Variants in TTC29 observed in about 807,000 individuals in gnomAD.
The protein encoded by TTC29 is tetratricopeptide repeat domain 29.
Under a neutral mutation model 58.1 loss-of-function variants are expected in TTC29, and 49 were observed. The ratio of observed to expected loss-of-function variants is 0.84; its 90% CI spans 0.67 to 1.07. TTC29 has a LOEUF of 1.07. Among genes scored for constraint, TTC29 ranks in the 50% least tolerant of loss-of-function variants. The probability of loss-of-function intolerance (pLI) is 0.00; values close to 1 mark genes in which losing one functional copy is unlikely to be tolerated. For missense variants in TTC29, 582 were observed against 555.6 expected, an observed-to-expected ratio of 1.05 and a Z score of -0.48; for synonymous variants, 209 against 196.8, an observed-to-expected ratio of 1.06 and a Z score of -0.52.
rs1275079286 is a variant in TTC29, at chr4:146,746,086, TC to T, written c.1331-38536del. ...TTGATGTTGAGAAAGAAGCTCAGTC[TC>T]CTAGAGTGAGTGGAGTTTATAGACT... On this transcript the variant is annotated intron_variant, in intron 11 of 12. Transcript: ENST00000325106. Among the ~76,000 whole-genome samples the T allele has an allele frequency of 2.0e-5, 3 of 152,324 alleles. No individual in the cohort carries two copies. In the East Asian group the frequency reaches 5.8e-4, roughly 29 times the overall value.
chr4:146,786,939 C>T (rs1016689693), intron 11 of TTC29, among the ~76,000 whole-genome samples: 2 of 151,808 alleles, frequency 1.3e-5, no homozygotes, highest in African/African-American at 4.8e-5. Flanking sequence ...ATAGTAAAAA[C>T]CCCACCTCTA....
chr4:146,876,176 T>G (rs2150224927), intron 6 of TTC29, among the ~76,000 whole-genome samples: 1 of 152,334 alleles, frequency 6.6e-6, no homozygotes, highest in Non-Finnish European at 1.5e-5. Flanking sequence ...ACTGTGTAAC[T>G]TTTTGAGGTA....
intron 11 of TTC29, among the ~76,000 whole-genome samples, chr4:146,766,684 C>T (rs1038949510): frequency 6.6e-6 from 1 of 151,904 alleles, no homozygotes; most frequent in African/African-American, 2.4e-5. Context: ...TATAGATGTA[C>T]TTTAGTGTTA....
chr4:146,919,626 A>C (rs1734453751), intron 4 of TTC29, among the ~76,000 whole-genome samples: 1 of 151,184 alleles, frequency 6.6e-6, no homozygotes, highest in Non-Finnish European at 1.5e-5. Flanking sequence ...TCTTCTTTTT[A>C]AAACCACCCA....
intron 6 of TTC29, among the ~76,000 whole-genome samples, chr4:146,891,779 C>T (rs914488348): frequency 6.6e-6 from 1 of 152,162 alleles, no homozygotes; most frequent in Non-Finnish European, 1.5e-5. Flanking sequence ...ACATACAAGT[C>T]TTTCTGAAGC....
chr4:146,785,194 CTTTT>C (rs35617737), intron 11 of TTC29, among the ~76,000 whole-genome samples: 1 of 137,622 alleles, frequency 7.3e-6, no homozygotes. Context: ...AACTTGCTGC[CTTTT>C]TTTTTTTTTT....
At chr4:146,912,806 G>T (rs1470796542) in intron 4 of TTC29, among the ~76,000 whole-genome samples, 1 of 152,048 alleles carries the variant, frequency 6.6e-6, no homozygotes, top group Non-Finnish European at 1.5e-5. Context: ...TGGAACCAGG[G>T]TAAAGCTGGA....
intron 11 of TTC29, among the ~76,000 whole-genome samples, chr4:146,790,636 A>C (rs891739295): frequency 6.6e-6 from 1 of 152,156 alleles, no homozygotes; most frequent in Non-Finnish European, 1.5e-5. Context: ...TGGAAAGTCA[A>C]GACTTGCTCT....
chr4:146,763,713 A>T (rs906425288), intron 11 of TTC29: 1 of 152,134 alleles, frequency 6.6e-6, no homozygotes, highest in Non-Finnish European at 1.5e-5. Flanking sequence ...GTAGGATGAC[A>T]GAAGTAAAAG....
At chr4:146,770,425 T>C (rs540499535) in intron 11 of TTC29, among the ~76,000 whole-genome samples, 1 of 149,920 alleles carries the variant, frequency 6.7e-6, no homozygotes, top group Non-Finnish European at 1.5e-5. Context: ...TGGGAAAACG[T>C]TTTCACTTTT....
chr4:146,935,443 T>C (rs897084156), intron 4 of TTC29, among the ~76,000 whole-genome samples: 2 of 152,190 alleles, frequency 1.3e-5, no homozygotes, highest in Admixed American at 6.5e-5. Context: ...TTTTGCCTGA[T>C]TTGATTCTTC....
chr4:146,914,489 G>C (rs940305373), intron 4 of TTC29, among the ~76,000 whole-genome samples: 1 of 152,090 alleles, frequency 6.6e-6, no homozygotes, highest in Admixed American at 6.6e-5. Context: ...CCATGATACT[G>C]GATGAAAATA....
At chr4:146,725,882 A>G (rs912038215) in intron 11 of TTC29, among the ~76,000 whole-genome samples, 5 of 152,082 alleles carry the variant, frequency 3.3e-5, no homozygotes, top group African/African-American at 1.2e-4. Context: ...CACCTATTCT[A>G]TATTTTTAGA....
intron 6 of TTC29, among the ~76,000 whole-genome samples, chr4:146,891,329 T>A (rs1732346474): frequency 6.6e-6 from 1 of 152,210 alleles, no homozygotes; most frequent in African/African-American, 2.4e-5. Flanking sequence ...TTTGTTTGAT[T>A]TCCAATGTGC....
chr4:146,907,232 A>T (rs1001925493), intron 5 of TTC29, among the ~76,000 whole-genome samples: 2 of 152,192 alleles, frequency 1.3e-5, no homozygotes, highest in African/African-American at 2.4e-5. Flanking sequence ...TCTACCCTCA[A>T]ATAGACTATT....
At chr4:146,923,678 T>C (rs889611368) in intron 4 of TTC29, among the ~76,000 whole-genome samples, 12 of 151,834 alleles carry the variant, frequency 7.9e-5, no homozygotes, top group African/African-American at 2.9e-4. Context: ...CTTGTTAATG[T>C]GGGACTCAGT....
At position 146,937,610 on chromosome 4, in the gene TTC29, T is replaced by C; in HGVS notation, c.160A>G (p.Lys54Glu). Residue 54 changes from lysine (K) to glutamate (E), a missense_variant, in exon 4 of 13, where the codon AAA becomes GAA. Lys to Glu is a moderately conservative substitution (Grantham distance 56). Coordinates refer to ENST00000325106, the MANE Select transcript of TTC29 (RefSeq NM_031956.4). ...TGTACTTACGCAGCAACTTCCTCTTTTGATAATCCTTTGAAATTTACCTCT... is the reference window on the plus strand; with the variant it reads ...TGTACTTACGCAGCAACTTCCTCTTCTGATAATCCTTTGAAATTTACCTCT... ...YLEVNFKGLS[K>E]EEVAAYRNSY... 2 of 1,533,758 alleles carry C rather than the reference T, an allele frequency of 1.3e-6. No homozygotes were observed. The highest frequency in any genetic ancestry group is 1.8e-6 in the Non-Finnish European group (2 of 1,135,944).
chr4:146,855,147 T>C (rs1053696016), intron 8 of TTC29, among the ~76,000 whole-genome samples: 2 of 150,922 alleles, frequency 1.3e-5, no homozygotes, highest in South Asian at 2.1e-4. Flanking sequence ...CTACAAAAAT[T>C]AGCTGGGCAT....
At chr4:146,838,081 A>C (rs1384602636) in intron 8 of TTC29, among the ~76,000 whole-genome samples, 1 of 152,048 alleles carries the variant, frequency 6.6e-6, no homozygotes, top group Admixed American at 6.6e-5. Context: ...ATGAAGATGA[A>C]GCTTTAAAAA....
Sources: allele counts gnomAD v4.1 joint callset (sites outside exome capture counted in the v4.1 genomes callset), GRCh38; gene constraint gnomAD v4.1.1; transcripts MANE v1.5; gene names NCBI Gene and HGNC (gene_info 2026-07-23, HGNC 2026-07-21).